The following CSMD1 variants were observed in gnomAD, a reference collection of about 807,000 sequenced individuals.
CSMD1 encodes the protein CUB and sushi domain-containing protein 1.
A neutral mutation model predicts 417.5 loss-of-function variants in CSMD1; 213 were observed. The observed-to-expected ratio is 0.51, with a 90% CI of 0.46 to 0.57. The LOEUF is 0.57. Among genes scored for constraint, CSMD1 ranks in the 20% least tolerant of loss-of-function variants. CSMD1 has a pLI of 0.00. For synonymous variants in CSMD1, 2,862 were observed against 1,736.8 expected (o/e 1.65, Z -16.11); for missense variants, 6,923 against 4,529.7 (o/e 1.53, Z -15.17).
At chr8:3,095,729 T>G (rs1009991760) in intron 47 of CSMD1, among the ~76,000 whole-genome samples, 2 of 152,198 alleles carry the variant, frequency 1.3e-5, no homozygotes, top group African/African-American at 2.4e-5. Flanking sequence ...AACCCTGTTA[T>G]TATGTACAGC....
At chr8:3,762,240 T>C (rs926735353) in intron 5 of CSMD1, among the ~76,000 whole-genome samples, 1 of 152,068 alleles carries the variant, frequency 6.6e-6, no homozygotes. Context: ...GATCATCCCA[T>C]GCGCTGTCCC....
At chr8:3,397,782 C>T (rs929227148) in intron 16 of CSMD1, among the ~76,000 whole-genome samples, 5 of 152,142 alleles carry the variant, frequency 3.3e-5, no homozygotes, top group African/African-American at 7.2e-5. Context: ...TCCAGGATGA[C>T]GTTGGAAACA....
chr8:4,574,223 T>A (rs757078283), intron 2 of CSMD1, among the ~76,000 whole-genome samples: 11 of 152,106 alleles, frequency 7.2e-5, no homozygotes, highest in Non-Finnish European at 1.5e-4. Context: ...CTGCCGAGTT[T>A]TTTCCTTGAA....
intron 12 of CSMD1, among the ~76,000 whole-genome samples, chr8:3,453,091 T>A (rs1331286542): frequency 1.3e-5 from 2 of 152,232 alleles, no homozygotes. Flanking sequence ...CTAGATTTTC[T>A]AGTTCTTTTG....
chr8:3,014,110 G>A (rs667762), intron 52 of CSMD1, among the ~76,000 whole-genome samples: 121,776 of 152,062 alleles, frequency 0.8, 48,956 homozygotes, highest in Non-Finnish European at 0.82. Flanking sequence ...TTGTCCTATC[G>A]TGAGAATTTG....
chr8:3,162,396 T>C, intron 37 of CSMD1, 119 bp from the exon 38 acceptor site: 1 of 676,164 alleles, frequency 1.5e-6, no homozygotes, highest in African/African-American at 1.8e-5. Flanking sequence ...AGACTTCAAC[T>C]CTTTCTCTTG....
intron 5 of CSMD1, among the ~76,000 whole-genome samples, chr8:3,983,528 G>A (rs1324571308): frequency 1.3e-5 from 2 of 152,162 alleles, no homozygotes; most frequent in Admixed American, 6.5e-5. Flanking sequence ...AACTGCCCTT[G>A]GATGCCATTT....
chr8:3,750,844 C>G (rs1369032526), intron 6 of CSMD1, among the ~76,000 whole-genome samples: 2 of 152,176 alleles, frequency 1.3e-5, no homozygotes, highest in African/African-American at 2.4e-5. Context: ...GAATCAGCAA[C>G]AGCAACCATA....
chr8:4,127,003 ACTGGCCTACAAAATATATATACC>A (rs1802802319), intron 3 of CSMD1, among the ~76,000 whole-genome samples: 1 of 152,202 alleles, frequency 6.6e-6, no homozygotes, highest in Non-Finnish European at 1.5e-5. Flanking sequence ...TTTGAGAGCC[ACTGGCCTACAAAATATATATACC>A]CTGGCCTCCA....
At chr8:4,139,551 A>T (rs184779520) in intron 3 of CSMD1, among the ~76,000 whole-genome samples, 2 of 151,204 alleles carry the variant, frequency 1.3e-5, no homozygotes, top group African/African-American at 4.9e-5. Flanking sequence ...CTGCACGACG[A>T]TCTGCATATA....
At chr8:3,987,879 G>A (rs959334970) in intron 5 of CSMD1, among the ~76,000 whole-genome samples, 3 of 152,184 alleles carry the variant, frequency 2.0e-5, no homozygotes, top group African/African-American at 4.8e-5. Context: ...AATCTGTTTG[G>A]CACATTGCAA....
chr8:4,244,039 CT>C (rs779278516), intron 3 of CSMD1, among the ~76,000 whole-genome samples: 1 of 152,182 alleles, frequency 6.6e-6, no homozygotes, highest in Non-Finnish European at 1.5e-5. Flanking sequence ...GCTGCAGGCT[CT>C]TTGTTTTTAT....
chr8:4,952,402 T>C (rs904468297), intron 1 of CSMD1, among the ~76,000 whole-genome samples: 3 of 152,048 alleles, frequency 2.0e-5, no homozygotes, highest in Admixed American at 6.6e-5. Flanking sequence ...CACTTAAAAA[T>C]TGTAAAATGG....
rs544730463 is a variant in CSMD1, at chr8:4,918,020, A to G, written c.85+76312T>C. 1.1e-4 allele frequency among the ~76,000 whole-genome samples: 17 copies of G among 152,374 alleles called. No individual in the cohort carries two copies. In the South Asian group the frequency reaches 2.1e-3, roughly 19 times the overall value. ...ACAAAGCTGAAATGACAGAAAAATCACTTGTAAAATAATACTAGACTTTGT... is the reference window on the plus strand; with the variant it reads ...ACAAAGCTGAAATGACAGAAAAATCGCTTGTAAAATAATACTAGACTTTGT... On this transcript the variant is annotated intron_variant, in intron 1 of 69. Transcript: ENST00000635120.
intron 5 of CSMD1, among the ~76,000 whole-genome samples, chr8:3,898,955 A>T (rs1205247842): frequency 6.6e-6 from 1 of 152,192 alleles, no homozygotes; most frequent in Non-Finnish European, 1.5e-5. Flanking sequence ...TTATGGGAAA[A>T]ATAAAAAACA....
At position 4,855,472 on chromosome 8, in the gene CSMD1, C is replaced by T. The variant is rs528798923; in HGVS notation, c.85+138860G>A. 1.2e-4 allele frequency among the ~76,000 whole-genome samples: 19 copies of T among 152,030 alleles called. No homozygotes were observed. In the South Asian group the frequency reaches 2.7e-3, roughly 22 times the overall value. On this transcript the variant is annotated intron_variant, in intron 1 of 69. Transcript: ENST00000635120. ...CAGACGATCAAATTACTCTCAGCTA[C>T]GGGAGGACATTCAAACGAAAGGCAA...
intron 50 of CSMD1, among the ~76,000 whole-genome samples, chr8:3,041,436 C>T (rs1811082642): frequency 6.6e-6 from 1 of 152,128 alleles, no homozygotes; most frequent in Admixed American, 6.5e-5. Context: ...CATGAAAATA[C>T]ACACCTTGAA....
chr8:4,564,410 C>T (rs10090097), intron 2 of CSMD1, among the ~76,000 whole-genome samples: 82,414 of 151,960 alleles, frequency 0.54, 22,474 homozygotes, highest in East Asian at 0.68. Context: ...CTGTTCTGGA[C>T]AGTGGAAATT....
At chr8:4,011,748 T>G (rs949062200) in intron 4 of CSMD1, among the ~76,000 whole-genome samples, 3 of 152,092 alleles carry the variant, frequency 2.0e-5, no homozygotes, top group Non-Finnish European at 4.4e-5. Context: ...TTTCTCATTT[T>G]CTCCCAGTGG....
Sources: allele counts gnomAD v4.1 joint callset (sites outside exome capture counted in the v4.1 genomes callset), GRCh38; gene constraint gnomAD v4.1.1; transcripts MANE v1.5; gene names NCBI Gene and HGNC (gene_info 2026-07-23, HGNC 2026-07-21).